Variants in ASAP2 observed in about 807,000 individuals in gnomAD.
ASAP2 encodes the protein arf-GAP with SH3 domain, ANK repeat and PH domain-containing protein 2.
A neutral mutation model predicts 131.4 loss-of-function variants in ASAP2; 45 were observed. That is an observed-to-expected ratio of 0.34 (90% CI 0.27 to 0.44). The LOEUF (loss-of-function observed/expected upper bound fraction) is 0.44, where lower values mean the gene tolerates loss of function less well. Among genes scored for constraint, ASAP2 ranks in the 20% least tolerant of loss-of-function variants. The pLI, the probability that ASAP2 is intolerant of heterozygous loss-of-function variation, is 1.00. For synonymous variants in ASAP2, 510 were observed against 503.0 expected, an observed-to-expected ratio of 1.01 and a Z score of -0.19; for missense variants, 1,011 against 1,297.0, an observed-to-expected ratio of 0.78 and a Z score of 3.39.
intron 14 of ASAP2, among the ~76,000 whole-genome samples, 167 bp downstream of exon 14, chr2:9,356,512 G>A (rs1672715001): frequency 2.6e-5 from 4 of 152,196 alleles, no homozygotes; most frequent in Admixed American, 6.5e-5. Context: ...TGCAGACCGC[G>A]GCAGGGGAGA....
intron 1 of ASAP2, among the ~76,000 whole-genome samples, chr2:9,273,046 A>T (rs1233528703): frequency 2.0e-5 from 3 of 152,130 alleles, no homozygotes; most frequent in African/African-American, 7.2e-5. Flanking sequence ...TTGTGGTTCT[A>T]TATAAATCTT....
chr2:9,387,112 G>C (rs532991806), intron 21 of ASAP2, among the ~76,000 whole-genome samples: 2 of 151,586 alleles, frequency 1.3e-5, no homozygotes, highest in Admixed American at 6.6e-5. Flanking sequence ...TACTCAGGAG[G>C]CTGAGGCAGG....
At chr2:9,223,249 G>C (rs1662550622) in intron 1 of ASAP2, among the ~76,000 whole-genome samples, 1 of 152,208 alleles carries the variant, frequency 6.6e-6, no homozygotes, top group Non-Finnish European at 1.5e-5. Context: ...GAAGTGCACA[G>C]TTCTCTTTAT....
At chr2:9,329,793 G>C (rs1670712627) in intron 7 of ASAP2, among the ~76,000 whole-genome samples, 1 of 152,188 alleles carries the variant, frequency 6.6e-6, no homozygotes, top group Non-Finnish European at 1.5e-5. Context: ...GCCTACCTTT[G>C]TACAGAATTG....
At chr2:9,331,036 C>T (rs1372915660) in intron 7 of ASAP2, among the ~76,000 whole-genome samples, 7 of 152,362 alleles carry the variant, frequency 4.6e-5, no homozygotes, top group East Asian at 3.9e-4. Context: ...AGCTCGCAGC[C>T]GTGCGTGTTT....
intron 24 of ASAP2, among the ~76,000 whole-genome samples, chr2:9,397,737 TATA>T (rs1558403239): frequency 1.3e-4 from 12 of 89,914 alleles, no homozygotes; most frequent in African/African-American, 1.0e-3. Flanking sequence ...GATATATATA[TATA>T]TATATATATA....
At position 9,207,090 on chromosome 2, in the gene ASAP2, C is replaced by A; in HGVS notation, c.-15C>A. The A allele has an allele frequency of 3.2e-6, 5 of 1,566,630 alleles. No homozygotes were observed. Among genetic ancestry groups the A allele is most frequent in the Non-Finnish European group, 4.3e-6 (5 of 1,157,278 alleles). On this transcript the variant is annotated 5_prime_UTR_variant, in exon 1 of 28. Transcript: ENST00000281419. This position sits in a 1 kb window ranked among gnomAD's most constrained non-coding sequence, Gnocchi z 4.1. ...CGCCCCTGCGGCTGTGCGCCAGCGC[C>A]CTCGCGCCGAGGCGATGCCGGACCA...
chr2:9,399,738 C>T, intron 24 of ASAP2: 3 of 489,544 alleles, frequency 6.1e-6, no homozygotes, highest in Non-Finnish European at 1.1e-5. Context: ...GGGCCAGTGG[C>T]CAGTGCCCAG....
intron 1 of ASAP2, among the ~76,000 whole-genome samples, chr2:9,265,660 T>C (rs892435836): frequency 9.2e-5 from 14 of 152,246 alleles, no homozygotes; most frequent in Non-Finnish European, 1.3e-4. Context: ...GTGTTTGATA[T>C]ATCACTTGTC....
chr2:9,325,960 A>G (rs1302360796), intron 6 of ASAP2, among the ~76,000 whole-genome samples: 4 of 152,258 alleles, frequency 2.6e-5, no homozygotes, highest in Admixed American at 6.5e-5. Context: ...CATCTGATGA[A>G]GAGTGTAGAA....
chr2:9,251,918 C>T (rs934079462), intron 1 of ASAP2, among the ~76,000 whole-genome samples: 1 of 148,134 alleles, frequency 6.8e-6, no homozygotes, highest in South Asian at 2.2e-4. Context: ...GCCCACATTG[C>T]TTTTTTTTTT....
intron 1 of ASAP2, among the ~76,000 whole-genome samples, chr2:9,267,399 G>GT (rs1012784459): frequency 2.6e-5 from 4 of 152,060 alleles, no homozygotes; most frequent in Non-Finnish European, 4.4e-5. Flanking sequence ...TGCAGTGTTT[G>GT]TTTTTTTGTT....
chr2:9,256,364 C>T (rs1390767504), intron 1 of ASAP2, among the ~76,000 whole-genome samples: 2 of 151,872 alleles, frequency 1.3e-5, no homozygotes, highest in African/African-American at 4.8e-5. Context: ...AAATGTCAGG[C>T]AAAGCGGCAG....
chr2:9,335,180 G>A lies in ASAP2; in HGVS notation c.849+1G>A. On this transcript the variant is annotated splice_donor_variant, in intron 9 of 27. Transcript: ENST00000281419. LOFTEE classifies it high-confidence loss of function. ...CGCATTGCAGGTTGAACAGAAAGAG[G>A]TGAGGGGATTTAATTTTGAAAGATT... 6.2e-7 allele frequency: 1 copy of A among 1,613,786 alleles called. No individual in the cohort carries two copies.
chr2:9,243,302 G>A (rs1277908206), intron 1 of ASAP2, among the ~76,000 whole-genome samples: 3 of 152,152 alleles, frequency 2.0e-5, no homozygotes, highest in African/African-American at 2.4e-5. Flanking sequence ...TAGAGATGGG[G>A]TTTCACTGTG....
intron 9 of ASAP2, among the ~76,000 whole-genome samples, chr2:9,341,865 A>G (rs998750724): frequency 1.3e-5 from 2 of 152,118 alleles, no homozygotes; most frequent in African/African-American, 4.8e-5. Context: ...CCAGAGGCTC[A>G]AGTGCTGTGT....
chr2:9,215,015 A>C (rs901804872), intron 1 of ASAP2, among the ~76,000 whole-genome samples: 1 of 152,180 alleles, frequency 6.6e-6, no homozygotes, highest in African/African-American at 2.4e-5. Context: ...ACGAACATGC[A>C]TCGTTAAGAT....
intron 12 of ASAP2, among the ~76,000 whole-genome samples, chr2:9,351,612 C>T (rs1672337456): frequency 6.6e-6 from 1 of 152,174 alleles, no homozygotes; most frequent in Non-Finnish European, 1.5e-5. Flanking sequence ...GTTACATTTG[C>T]AGAGGACCAC....
intron 21 of ASAP2, among the ~76,000 whole-genome samples, chr2:9,388,006 ACCT>A: frequency 6.6e-6 from 1 of 152,076 alleles, no homozygotes; most frequent in East Asian, 1.9e-4. Flanking sequence ...TGATCCAGTC[ACCT>A]CCTTCCCTCG....
Sources: gnomAD v4.1 joint callset for allele counts (sites outside exome capture counted in the v4.1 genomes callset) on GRCh38, gnomAD v4.1.1 for gene constraint, Gnocchi (gnomAD v3.1) non-coding constraint, MANE v1.5 for transcripts, NCBI Gene and HGNC (gene_info 2026-07-23, HGNC 2026-07-21) for gene names.